LDLRAD4: variants seen among roughly 807,000 people sequenced by gnomAD.
LDLRAD4 encodes the protein low-density lipoprotein receptor class A domain-containing protein 4.
LDLRAD4 carries 5 observed loss-of-function variants against 17.0 expected under a neutral mutation model. The observed-to-expected ratio is 0.29, with a 90% CI of 0.15 to 0.62. The LOEUF is 0.62. Among genes scored for constraint, LDLRAD4 ranks in the 20% least tolerant of loss-of-function variants. The pLI is 0.84. For missense variants in LDLRAD4, 340 were observed against 424.7 expected, an observed-to-expected ratio of 0.80 and a Z score of 1.75; for synonymous variants, 168 against 171.8, an observed-to-expected ratio of 0.98 and a Z score of 0.17.
intron 3 of LDLRAD4, among the ~76,000 whole-genome samples, chr18:13,446,171 A>G (rs1292228946): frequency 1.3e-5 from 2 of 152,052 alleles, no homozygotes; most frequent in Non-Finnish European, 2.9e-5. Flanking sequence ...TCATCTCTCA[A>G]AAGCACCCTA....
intron 1 of LDLRAD4, among the ~76,000 whole-genome samples, chr18:13,230,302 T>C (rs2042008452): frequency 6.6e-6 from 1 of 152,178 alleles, no homozygotes; most frequent in Admixed American, 6.5e-5. Flanking sequence ...GGTATTTCGT[T>C]ACAGCAGCAC....
chr18:13,454,452 C>T (rs1157075740), intron 3 of LDLRAD4, among the ~76,000 whole-genome samples: 2 of 152,092 alleles, frequency 1.3e-5, no homozygotes, highest in African/African-American at 4.8e-5. Context: ...CTGGGTCGGC[C>T]TGGGAAATGA....
At chr18:13,487,136 G>C (rs1253531480) in intron 3 of LDLRAD4, 1 of 152,198 alleles carries the variant, frequency 6.6e-6, no homozygotes, top group Non-Finnish European at 1.5e-5. Flanking sequence ...TTTGATGAGA[G>C]TGATCATTTC....
At chr18:13,427,036 A>T (rs981710158) in intron 2 of LDLRAD4, among the ~76,000 whole-genome samples, 67 of 152,202 alleles carry the variant, frequency 4.4e-4, no homozygotes, top group Non-Finnish European at 8.1e-4. Flanking sequence ...TACAAAAAAA[A>T]TGAGCCAGGC....
At chr18:13,643,394 G>C in exon 5 of LDLRAD4, 1 of 1,339,700 alleles carries the variant, frequency 7.5e-7, no homozygotes, top group East Asian at 2.9e-5. Context: ...GCGCCGCACC[G>C]CGGCTGGGCG....
chr18:13,443,719 C>T (rs1600310135), intron 3 of LDLRAD4, among the ~76,000 whole-genome samples: 1 of 152,156 alleles, frequency 6.6e-6, no homozygotes, highest in East Asian at 1.9e-4. Context: ...TCTCCTCCTC[C>T]TCCTCCCCCT....
At chr18:13,567,429 C>T (rs2148296983) in intron 3 of LDLRAD4, among the ~76,000 whole-genome samples, 1 of 152,326 alleles carries the variant, frequency 6.6e-6, no homozygotes, top group South Asian at 2.1e-4. Context: ...GTAGGGCCTG[C>T]CTGCAAACGC....
intron 1 of LDLRAD4, among the ~76,000 whole-genome samples, chr18:13,333,885 G>A (rs903195010): frequency 2.0e-5 from 3 of 152,184 alleles, no homozygotes; most frequent in Admixed American, 6.5e-5. Context: ...GCTACTGTGA[G>A]TGTTTTGCCC....
intron 1 of LDLRAD4, among the ~76,000 whole-genome samples, chr18:13,265,258 A>G (rs2044150633): frequency 6.6e-6 from 1 of 152,122 alleles, no homozygotes; most frequent in South Asian, 2.1e-4. Context: ...CTCCTGGTCT[A>G]GGACCTCGTT....
chr18:13,575,845 A>G lies in LDLRAD4; in HGVS notation c.182-45272A>G, dbSNP rs1601497805. 2.0e-5 allele frequency among the ~76,000 whole-genome samples: 3 copies of G among 151,972 alleles called. No individual in the cohort carries two copies. The South Asian group carries it at 6.2e-4, about 32-fold the overall frequency. The stretch of plus-strand genomic sequence containing the variant: ...TTAGTGATGTTGAGCATTTTTTCCT[A>G]TATTTGTTGGCCATTTGTATATCTT... On this transcript the variant is annotated intron_variant, in intron 3 of 5. Coordinates refer to ENST00000359446, the Ensembl canonical transcript of LDLRAD4.
intron 3 of LDLRAD4, among the ~76,000 whole-genome samples, chr18:13,593,334 A>C (rs1319464257): frequency 6.6e-6 from 1 of 152,214 alleles, no homozygotes; most frequent in African/African-American, 2.4e-5. Context: ...AACAAAAAAC[A>C]AAAACAGTCT....
intron 3 of LDLRAD4, among the ~76,000 whole-genome samples, chr18:13,499,540 CT>C (rs199736972): frequency 6.6e-6 from 1 of 150,546 alleles, no homozygotes; most frequent in South Asian, 2.1e-4. Context: ...CTGGAGAATC[CT>C]TCTCGCCACA....
intron 1 of LDLRAD4, among the ~76,000 whole-genome samples, chr18:13,236,704 T>C (rs2042356915): frequency 6.6e-6 from 1 of 152,064 alleles, no homozygotes; most frequent in Non-Finnish European, 1.5e-5. Flanking sequence ...TGTTTCTCAG[T>C]CTGGAGGGTT....
intron 1 of LDLRAD4, among the ~76,000 whole-genome samples, chr18:13,370,709 T>TTTTGTTTTTTTTTTG (rs2084404986): frequency 2.6e-5 from 1 of 38,882 alleles, no homozygotes; most frequent in African/African-American, 7.3e-5. Flanking sequence ...TGGTTTTTTG[T>TTTTGTTTTTTTTTTG]TTTGTTTTTT....
chr18:13,261,299 C>T (rs544597062), intron 1 of LDLRAD4, among the ~76,000 whole-genome samples: 2 of 152,342 alleles, frequency 1.3e-5, no homozygotes, highest in African/African-American at 2.4e-5. Context: ...AGATTTTCTT[C>T]ATCTTGTTTA....
chr18:13,361,166 C>T (rs1406359270), intron 1 of LDLRAD4, among the ~76,000 whole-genome samples: 1 of 152,156 alleles, frequency 6.6e-6, no homozygotes, highest in Non-Finnish European at 1.5e-5. Flanking sequence ...CAAGCTCCGC[C>T]TCCTGGGTTC....
rs375355364 is a variant in LDLRAD4 at position 13,447,402 on chromosome 18, G to A, written c.181+9018G>A. Among the ~76,000 whole-genome samples the A allele has an allele frequency of 1.1e-4, 17 of 152,192 alleles. No homozygotes were observed. The East Asian group carries it at 3.3e-3, about 29-fold the overall frequency. ...CTTTGTTTCTCCAAGACGGTTTTCTGATCAATTAAAATCGTGTAGGGTCTT... is the reference window on the plus strand; with the variant it reads ...CTTTGTTTCTCCAAGACGGTTTTCTAATCAATTAAAATCGTGTAGGGTCTT... On this transcript the variant is annotated intron_variant, in intron 3 of 5. Coordinates refer to ENST00000359446, the Ensembl canonical transcript of LDLRAD4.
intron 3 of LDLRAD4, among the ~76,000 whole-genome samples, chr18:13,546,075 G>C (rs148814721): frequency 6.6e-6 from 1 of 152,162 alleles, no homozygotes; most frequent in African/African-American, 2.4e-5. Flanking sequence ...GAGGCTGTTC[G>C]GGATTAGGGC....
rs115846438 is a variant in LDLRAD4 at position 13,610,717 on chromosome 18, G to A, written c.182-10400G>A. On this transcript the variant is annotated intron_variant, in intron 3 of 5. Transcript: ENST00000359446. Reference sequence around the variant, plus strand: ...GAAGTGCTGGCCCAGGTGGCAAGGAGCCTCGGGGCTCCAGGGACAAGGGGC... The same window carrying A: ...GAAGTGCTGGCCCAGGTGGCAAGGAACCTCGGGGCTCCAGGGACAAGGGGC... 2.9e-3 allele frequency among the ~76,000 whole-genome samples: 437 copies of A among 152,302 alleles called. 3 individuals are homozygous for A. Among genetic ancestry groups the A allele is most frequent in the African/African-American group, 0.01 (422 of 41,562 alleles).
Sources: allele counts gnomAD v4.1 joint callset (sites outside exome capture counted in the v4.1 genomes callset), GRCh38; gene constraint gnomAD v4.1.1; transcripts MANE v1.5; gene names NCBI Gene and HGNC (gene_info 2026-07-23, HGNC 2026-07-21).